Variants in WDR25 observed in about 807,000 individuals in gnomAD.
WDR25 encodes WD repeat domain 25, also known as WD repeat-containing protein 25.
A neutral mutation model predicts 47.7 loss-of-function variants in WDR25; 35 were observed. The observed-to-expected ratio is 0.73, with a 90% confidence interval of 0.56 to 0.97. The LOEUF (loss-of-function observed/expected upper bound fraction) is 0.97, where lower values mean the gene tolerates loss of function less well. WDR25 is among the 50% of genes least tolerant of loss of function. The pLI is 0.00. For missense variants in WDR25, 634 were observed against 704.7 expected (o/e 0.90, Z 1.14); for synonymous variants, 248 against 278.9 (o/e 0.89, Z 1.10).
In WDR25 at chr14:100,440,764, C is replaced by T. The variant is rs370176460; in HGVS notation, c.823-27257C>T. ...GATCCATATTACTTCTGATTATTTA[C>T]GAAGGGACAGGCCGGGGGAGGTAAC... On this transcript the variant is annotated intron_variant, in intron 2 of 6. Transcript: ENST00000402312. The surrounding 1 kb of genome is among the most constrained non-coding windows in gnomAD (Gnocchi z 4.4). Among the ~76,000 whole-genome samples the T allele has an allele frequency of 1.2e-4, 19 of 152,300 alleles. No individual in the cohort carries two copies. Among genetic ancestry groups the T allele is most frequent in the South Asian group, 2.1e-4 (1 of 4,830 alleles).
In WDR25 at chr14:100,404,958, C is replaced by T. The variant is rs1418579350; in HGVS notation, c.822+23212C>T. 6.6e-6 allele frequency among the ~76,000 whole-genome samples: 1 copy of T among 152,154 alleles called. No homozygotes were observed. The highest frequency in any genetic ancestry group is 1.5e-5 in the Non-Finnish European group (1 of 68,016). On this transcript the variant is annotated intron_variant, in intron 2 of 6. Coordinates refer to ENST00000402312, the MANE Select transcript of WDR25 (RefSeq NM_001161476.3). This position sits in a 1 kb window ranked among gnomAD's most constrained non-coding sequence, Gnocchi z 4.6. ...AACCCTCCTACCTTGTGTCCCCATG[C>T]TAGTTCTGTCTTTCCTGTGCTCGCA...
chr14:100,526,338 C>G (rs1417794223), intron 5 of WDR25, among the ~76,000 whole-genome samples: 1 of 152,126 alleles, frequency 6.6e-6, no homozygotes, highest in African/African-American at 2.4e-5. Context: ...CCTGAGAAAC[C>G]CCACCCTCCC....
chr14:100,527,468 T>C (rs577512137), intron 5 of WDR25, among the ~76,000 whole-genome samples: 1 of 152,356 alleles, frequency 6.6e-6, no homozygotes, highest in African/African-American at 2.4e-5. Flanking sequence ...ACATGAAATA[T>C]CTATCCTGTG....
intron 1 of WDR25, among the ~76,000 whole-genome samples, chr14:100,377,744 A>AC (rs1375018183): frequency 1.2e-4 from 18 of 152,176 alleles, no homozygotes; most frequent in African/African-American, 4.3e-4. Flanking sequence ...GACCAGTGGA[A>AC]CCCTCAGGCG....
At chr14:100,418,263 C>T (rs1424023608) in intron 2 of WDR25, among the ~76,000 whole-genome samples, 1 of 151,656 alleles carries the variant, frequency 6.6e-6, no homozygotes, top group African/African-American at 2.4e-5. Flanking sequence ...CTTATATCCA[C>T]ACTGCCTGTG....
Position 100,529,026 on chromosome 14 carries a change from G to C in WDR25, c.1273-42G>C, listed in dbSNP as rs950515990. 2 of 1,506,532 alleles carry C rather than the reference G, an allele frequency of 1.3e-6. No individual in the cohort carries two copies. The highest frequency in any genetic ancestry group is 4.6e-5 in the East Asian group (2 of 43,140). The allele number at this position is 1,506,532 out of a possible 1,614,324, so 93.3% of individuals were successfully genotyped here. ...GGCCCCAGAGCAGAGTGCCAGGTTG[G>C]GGGTGTCTTCTCTGACCCATTTGTG... On this transcript the variant is annotated intron_variant, in intron 5 of 6. Coordinates refer to ENST00000402312, the MANE Select transcript of WDR25 (RefSeq NM_001161476.3). The surrounding 1 kb of genome is among the most constrained non-coding windows in gnomAD (Gnocchi z 5.1).
chr14:100,475,587 G>A (rs531192976), intron 3 of WDR25, among the ~76,000 whole-genome samples: 6 of 152,268 alleles, frequency 3.9e-5, no homozygotes, highest in African/African-American at 1.2e-4. Flanking sequence ...AGTTGATCTC[G>A]TAGAAGCGTT....
intron 2 of WDR25, chr14:100,454,324 T>C: frequency 8.0e-7 from 1 of 1,255,742 alleles, no homozygotes; most frequent in East Asian, 5.6e-5. Flanking sequence ...TGGAGAAGAT[T>C]TTGACTGAGG....
chr14:100,464,182 T>G (rs1047578256), intron 2 of WDR25, among the ~76,000 whole-genome samples: 2 of 152,172 alleles, frequency 1.3e-5, no homozygotes, highest in Non-Finnish European at 2.9e-5. Flanking sequence ...CTTCTTGCTG[T>G]TGCTTGACCA....
intron 2 of WDR25, among the ~76,000 whole-genome samples, chr14:100,436,197 T>C (rs1898494752): frequency 6.6e-6 from 1 of 152,166 alleles, no homozygotes; most frequent in Non-Finnish European, 1.5e-5. Flanking sequence ...AGTCCTCCCA[T>C]CCAGCATTTT....
chr14:100,439,725 CTT>C (rs34384698), intron 2 of WDR25, among the ~76,000 whole-genome samples: 2 of 152,166 alleles, frequency 1.3e-5, no homozygotes, highest in African/African-American at 4.8e-5. Flanking sequence ...CAGCTTAACT[CTT>C]TGAATTGCCA....
intron 2 of WDR25, among the ~76,000 whole-genome samples, chr14:100,435,203 C>A (rs1898464181): frequency 6.6e-6 from 1 of 152,218 alleles, no homozygotes; most frequent in Non-Finnish European, 1.5e-5. Flanking sequence ...GCCAGACTGT[C>A]TGGTGCCAGA....
In WDR25 at chr14:100,392,681, C is replaced by T. The variant is rs1897171538; in HGVS notation, c.822+10935C>T. On this transcript the variant is annotated intron_variant, in intron 2 of 6. Coordinates refer to ENST00000402312, the MANE Select transcript of WDR25 (RefSeq NM_001161476.3). This position sits in a 1 kb window ranked among gnomAD's most constrained non-coding sequence, Gnocchi z 4.2. ...GCCCGCGCCACACTGTGCCACCAGC[C>T]GCCTCTGCGTCTTTGGAGGGCCGTC... Among the ~76,000 whole-genome samples the T allele has an allele frequency of 6.6e-6, 1 of 152,148 alleles. No homozygotes were observed. Among genetic ancestry groups the T allele is most frequent in the Admixed American group, 6.5e-5 (1 of 15,274 alleles).
intron 2 of WDR25, chr14:100,382,251 TA>T (rs1896921762): frequency 8.6e-6 from 6 of 695,844 alleles, no homozygotes; most frequent in Non-Finnish European, 1.6e-5. Flanking sequence ...CGGCCCCCAG[TA>T]GGACACACAG....
Position 100,424,698 on chromosome 14 carries a change from A to G in WDR25, c.822+42952A>G, listed in dbSNP as rs1236565708. Among the ~76,000 whole-genome samples the G allele has an allele frequency of 1.3e-5, 2 of 152,110 alleles. No individual in the cohort carries two copies. Among genetic ancestry groups the G allele is most frequent in the Non-Finnish European group, 2.9e-5 (2 of 68,018 alleles). Reference sequence around the variant, plus strand: ...CTGCCCTGGTGTCTTGGTTTCCTAGAATCTTGGTGCGATTCGGTGGTTAGG... The same window carrying G: ...CTGCCCTGGTGTCTTGGTTTCCTAGGATCTTGGTGCGATTCGGTGGTTAGG... On this transcript the variant is annotated intron_variant, in intron 2 of 6. Coordinates refer to ENST00000402312, the MANE Select transcript of WDR25 (RefSeq NM_001161476.3). This position sits in a 1 kb window ranked among gnomAD's most constrained non-coding sequence, Gnocchi z 4.2.
At chr14:100,475,251 G>T (rs8004090) in intron 3 of WDR25, among the ~76,000 whole-genome samples, 1 of 152,128 alleles carries the variant, frequency 6.6e-6, no homozygotes, top group Non-Finnish European at 1.5e-5. Context: ...TAGAATTACC[G>T]TATGATCCTG....
chr14:100,435,447 A>G (rs1898471727), intron 2 of WDR25, among the ~76,000 whole-genome samples: 1 of 152,190 alleles, frequency 6.6e-6, no homozygotes, highest in Non-Finnish European at 1.5e-5. Context: ...CATCAATAGA[A>G]TAGGGTTTAT....
At chr14:100,417,801 C>G (rs910629905) in intron 2 of WDR25, among the ~76,000 whole-genome samples, 1 of 152,200 alleles carries the variant, frequency 6.6e-6, no homozygotes, top group African/African-American at 2.4e-5. Flanking sequence ...TGCAGTGACC[C>G]TGAGCTGTTC....
chr14:100,508,590 G>A (rs1901196297), intron 4 of WDR25, among the ~76,000 whole-genome samples: 1 of 152,102 alleles, frequency 6.6e-6, no homozygotes, highest in African/African-American at 2.4e-5. Flanking sequence ...TAATGCATGT[G>A]CAATTATTTA....
Sources: allele counts gnomAD v4.1 joint callset (sites outside exome capture counted in the v4.1 genomes callset), GRCh38; gene constraint gnomAD v4.1.1; non-coding constraint Gnocchi (gnomAD v3.1); transcripts MANE v1.5; gene names NCBI Gene and HGNC (gene_info 2026-07-23, HGNC 2026-07-21).